PTPRD: variants seen among roughly 807,000 people sequenced by gnomAD.
The protein encoded by PTPRD is protein tyrosine phosphatase receptor type D.
A neutral mutation model predicts 214.5 loss-of-function variants in PTPRD; 34 were observed. That is an observed-to-expected ratio of 0.16 (90% CI 0.12 to 0.21). The LOEUF (loss-of-function observed/expected upper bound fraction) is 0.21. PTPRD is among the 10% of genes least tolerant of loss of function. The probability of loss-of-function intolerance (pLI) is 1.00; values close to 1 mark genes in which losing one functional copy is unlikely to be tolerated. For missense variants in PTPRD, 2,545 were observed against 2,398.7 expected, an observed-to-expected ratio of 1.06 and a Z score of -1.27; for synonymous variants, 1,128 against 845.7, an observed-to-expected ratio of 1.33 and a Z score of -5.79.
At chr9:10,568,307 T>A (rs1428917673) in intron 2 of PTPRD, among the ~76,000 whole-genome samples, 1 of 152,138 alleles carries the variant, frequency 6.6e-6, no homozygotes, top group Non-Finnish European at 1.5e-5. Flanking sequence ...CATCATTTTT[T>A]ATGGCTGCAT....
chr9:10,093,071 G>A (rs2098448615), intron 3 of PTPRD, among the ~76,000 whole-genome samples: 1 of 151,408 alleles, frequency 6.6e-6, no homozygotes, highest in South Asian at 2.1e-4. Context: ...GTCCCCAAAA[G>A]CAATTGCAAC....
At chr9:9,851,994 G>C (rs943513365) in intron 5 of PTPRD, among the ~76,000 whole-genome samples, 5 of 152,076 alleles carry the variant, frequency 3.3e-5, no homozygotes, top group Non-Finnish European at 7.4e-5. Context: ...CCCGATTTCA[G>C]ATTTAACATG....
chr9:9,500,529 C>T (rs2096375009), intron 8 of PTPRD, among the ~76,000 whole-genome samples: 1 of 151,946 alleles, frequency 6.6e-6, no homozygotes, highest in African/African-American at 2.4e-5. Flanking sequence ...GATAGGGTAT[C>T]AGGTAGGAGA....
intron 3 of PTPRD, among the ~76,000 whole-genome samples, chr9:10,100,999 G>T (rs532733023): frequency 6.6e-6 from 1 of 151,578 alleles, no homozygotes; most frequent in Non-Finnish European, 1.5e-5. Flanking sequence ...TTTCAAGTTG[G>T]CATTATAATT....
At position 10,172,846 on chromosome 9, in the gene PTPRD, G is replaced by A. The variant is rs145753628; in HGVS notation, c.-544-139056C>T. 7.9e-5 allele frequency among the ~76,000 whole-genome samples: 12 copies of A among 152,256 alleles called. No homozygotes were observed. In the East Asian group the frequency reaches 2.3e-3, roughly 29 times the overall value. On this transcript the variant is annotated intron_variant, in intron 3 of 45. Coordinates refer to ENST00000381196, the MANE Select transcript of PTPRD (RefSeq NM_002839.4). ...AAGAGGAATAAACTGAAATGTATAT[G>A]GAATCAAAGATAAACCTTATCAGCT...
rs961394401 is a variant in PTPRD at position 9,143,822 on chromosome 9, G to A, written c.-143+39482C>T. Among the ~76,000 whole-genome samples, 5 of 152,172 alleles carry A rather than the reference G, an allele frequency of 3.3e-5. 1 individual carries two copies. Among genetic ancestry groups the A allele is most frequent in the African/African-American group, 4.8e-5 (2 of 41,424 alleles). On this transcript the variant is annotated intron_variant, in intron 10 of 45. Transcript: ENST00000381196. ...TTATGGTTTGGACAGTAACATAACC[G>A]ATTATAAAAACTACTAACTTGGCCA... is the stretch of plus-strand genomic sequence containing the variant.
chr9:10,141,489 C>T (rs1247803713), intron 3 of PTPRD, among the ~76,000 whole-genome samples: 1 of 152,086 alleles, frequency 6.6e-6, no homozygotes, highest in Non-Finnish European at 1.5e-5. Context: ...CATGAGTGAA[C>T]TCCCATTCAC....
At chr9:8,366,756 T>C (rs1476586578) in intron 39 of PTPRD, among the ~76,000 whole-genome samples, 1 of 152,196 alleles carries the variant, frequency 6.6e-6, no homozygotes, top group Non-Finnish European at 1.5e-5. Flanking sequence ...CTGGGGCTTA[T>C]TGTTTGGAAC....
chr9:9,895,916 G>T (rs1566085201), intron 5 of PTPRD, among the ~76,000 whole-genome samples: 1 of 151,740 alleles, frequency 6.6e-6, no homozygotes, highest in South Asian at 2.1e-4. Flanking sequence ...ATTTATAATG[G>T]AAAGTCTTTC....
chr9:8,509,120 G>A (rs1260727558), intron 21 of PTPRD, among the ~76,000 whole-genome samples: 1 of 152,046 alleles, frequency 6.6e-6, no homozygotes, highest in Admixed American at 6.6e-5. Context: ...TGCCCAGTGG[G>A]TGACCTAACA....
At chr9:9,947,383 T>TAA (rs2092774060) in intron 4 of PTPRD, among the ~76,000 whole-genome samples, 1 of 46,904 alleles carries the variant, frequency 2.1e-5, no homozygotes, top group African/African-American at 9.7e-5. Context: ...ATTATATATA[T>TAA]TTTATATACA....
At chr9:9,490,131 G>A (rs962903747) in intron 8 of PTPRD, among the ~76,000 whole-genome samples, 5 of 152,062 alleles carry the variant, frequency 3.3e-5, no homozygotes, top group Admixed American at 2.0e-4. Flanking sequence ...GAAAGCAATT[G>A]CCAAACAAGA....
intron 11 of PTPRD, among the ~76,000 whole-genome samples, chr9:8,897,880 A>C (rs144867770): frequency 6.6e-6 from 1 of 152,184 alleles, no homozygotes; most frequent in East Asian, 1.9e-4. Context: ...AGGATTAGTA[A>C]CACCCCATCT....
intron 11 of PTPRD, among the ~76,000 whole-genome samples, chr9:8,870,663 CAG>C (rs1445270222): frequency 1.4e-5 from 2 of 139,908 alleles, no homozygotes; most frequent in African/African-American, 5.3e-5. Context: ...CAATAGAAAA[CAG>C]GGTTATAAGA....
intron 12 of PTPRD, chr9:8,713,629 A>C (rs1229649556): frequency 3.2e-5 from 49 of 1,532,712 alleles, no homozygotes; most frequent in Non-Finnish European, 4.4e-5. Context: ...GGGCGCTGTC[A>C]CCCAGTGCTA....
intron 5 of PTPRD, among the ~76,000 whole-genome samples, chr9:9,767,520 T>C (rs1017369146): frequency 2.0e-5 from 3 of 152,062 alleles, no homozygotes; most frequent in South Asian, 2.1e-4. Context: ...GTCACATTTC[T>C]AAATATGTTC....
intron 11 of PTPRD, among the ~76,000 whole-genome samples, chr9:8,992,726 C>T (rs757954929): frequency 7.9e-5 from 12 of 152,092 alleles, no homozygotes; most frequent in Non-Finnish European, 1.5e-4. Flanking sequence ...GGATTTTCTA[C>T]CAGTCCTTTG....
intron 3 of PTPRD, among the ~76,000 whole-genome samples, chr9:10,075,114 A>G (rs1003042049): frequency 5.3e-5 from 8 of 152,156 alleles, no homozygotes; most frequent in African/African-American, 1.7e-4. Context: ...GAAGATTTTC[A>G]GTGGATTATA....
chr9:9,793,355 A>C (rs914844964), intron 5 of PTPRD, among the ~76,000 whole-genome samples: 1 of 152,068 alleles, frequency 6.6e-6, no homozygotes, highest in African/African-American at 2.4e-5. Flanking sequence ...CTTTTTTCAT[A>C]TCCAGAAACA....
Sources: allele counts gnomAD v4.1 joint callset (sites outside exome capture counted in the v4.1 genomes callset), GRCh38; gene constraint gnomAD v4.1.1; transcripts MANE v1.5; gene names NCBI Gene and HGNC (gene_info 2026-07-23, HGNC 2026-07-21).